The following KAZN variants were observed in gnomAD, a reference collection of about 807,000 sequenced individuals.
KAZN encodes the protein kazrin.
Under a neutral mutation model 87.4 loss-of-function variants are expected in KAZN, and 40 were observed. That is an observed-to-expected ratio of 0.46 (90% CI 0.36 to 0.60). The LOEUF is 0.60. Ranked by LOEUF, KAZN falls within the 20% of genes least tolerant of loss-of-function variation. The pLI, the probability that KAZN is intolerant of heterozygous loss-of-function variation, is 0.00. For missense variants in KAZN, 898 were observed against 1,073.9 expected (o/e 0.84, Z 2.29); for synonymous variants, 466 against 458.3 (o/e 1.02, Z -0.22).
At chr1:14,894,830 A>G (rs558322463) in intron 1 of KAZN, among the ~76,000 whole-genome samples, 2 of 152,368 alleles carry the variant, frequency 1.3e-5, no homozygotes, top group South Asian at 4.1e-4. Context: ...GGGGAAATCA[A>G]TTCAAAATCT....
chr1:14,443,734 T>A (rs1034430427), intron 2 of KAZN, among the ~76,000 whole-genome samples: 5 of 152,200 alleles, frequency 3.3e-5, no homozygotes, highest in Admixed American at 2.6e-4. Context: ...AAAGGTGCAT[T>A]GTTTATTCAT....
At chr1:14,959,710 C>G (rs1359226857) in intron 1 of KAZN, among the ~76,000 whole-genome samples, 1 of 152,188 alleles carries the variant, frequency 6.6e-6, no homozygotes, top group Non-Finnish European at 1.5e-5. Context: ...GTACACGTAG[C>G]CTGGCGCCTG....
intron 1 of KAZN, among the ~76,000 whole-genome samples, chr1:14,907,893 C>T (rs371073084): frequency 3.9e-5 from 6 of 152,248 alleles, no homozygotes; most frequent in East Asian, 3.9e-4. Context: ...CATGAGCCCA[C>T]GAGGGAAAAT....
At chr1:14,607,649 G>GCT (rs1466192186) in intron 1 of KAZN, among the ~76,000 whole-genome samples, 2 of 152,182 alleles carry the variant, frequency 1.3e-5, no homozygotes, top group Non-Finnish European at 2.9e-5. Flanking sequence ...ACTGCTTAGT[G>GCT]CTGAGCCATG....
chr1:14,846,613 T>C (rs1358763422), intron 1 of KAZN, among the ~76,000 whole-genome samples: 3 of 152,240 alleles, frequency 2.0e-5, no homozygotes, highest in Non-Finnish European at 4.4e-5. Context: ...GCCTGCCATG[T>C]ACACAGTGCA....
intron 1 of KAZN, among the ~76,000 whole-genome samples, chr1:13,958,461 C>A (rs1376447841): frequency 1.3e-5 from 2 of 150,876 alleles, no homozygotes; most frequent in African/African-American, 2.4e-5. Flanking sequence ...GTAGTCCCAG[C>A]TATTCGGGAG....
chr1:14,155,528 T>G (rs1645573863), intron 1 of KAZN, among the ~76,000 whole-genome samples: 1 of 152,220 alleles, frequency 6.6e-6, no homozygotes, highest in Admixed American at 6.5e-5. Context: ...TCAATTTCAT[T>G]TATTTCTCTT....
At chr1:14,587,704 GT>G (rs756307835) in intron 2 of KAZN, among the ~76,000 whole-genome samples, 4 of 152,036 alleles carry the variant, frequency 2.6e-5, no homozygotes, top group Admixed American at 6.6e-5. Context: ...ATCACCAAGG[GT>G]TTGGTACTAA....
intron 1 of KAZN, among the ~76,000 whole-genome samples, chr1:13,934,405 C>G (rs1271064713): frequency 6.6e-6 from 1 of 152,186 alleles, no homozygotes; most frequent in Non-Finnish European, 1.5e-5. Flanking sequence ...TCTCTAGAGG[C>G]AAATCCTTAC....
chr1:14,136,477 A>C (rs1645111401), intron 1 of KAZN, among the ~76,000 whole-genome samples: 1 of 152,166 alleles, frequency 6.6e-6, no homozygotes, highest in Non-Finnish European at 1.5e-5. Flanking sequence ...GGTGAAAGAA[A>C]ATGCAAGCAG....
chr1:14,698,598 G>A (rs10927507), intron 1 of KAZN, among the ~76,000 whole-genome samples: 57,928 of 152,100 alleles, frequency 0.38, 11,502 homozygotes, highest in East Asian at 0.5. Flanking sequence ...CCCCTTTGGA[G>A]CTATTCTTTT....
intron 1 of KAZN, among the ~76,000 whole-genome samples, chr1:14,088,309 C>A (rs375131362): frequency 5.9e-5 from 9 of 151,738 alleles, no homozygotes; most frequent in African/African-American, 2.2e-4. Flanking sequence ...TTCAGCTATA[C>A]CTCACAAATT....
chr1:14,097,996 C>G (rs1330968900), intron 1 of KAZN, among the ~76,000 whole-genome samples: 1 of 151,990 alleles, frequency 6.6e-6, no homozygotes, highest in Non-Finnish European at 1.5e-5. Context: ...GGAGAGTTAT[C>G]TCATTGAATC....
intron 2 of KAZN, among the ~76,000 whole-genome samples, chr1:14,294,657 TGGCAGGGTTTTTGCCAGGGAAACTGCC>T (rs1653978529): frequency 2.1e-5 from 3 of 142,424 alleles, no homozygotes; most frequent in African/African-American, 7.6e-5. Context: ...GCAGTTTCCC[TGGCAGGGTTTTTGCCAGGGAAACTGCC>T]CAGGCTCAGG....
At chr1:14,743,124 G>T (rs539985422) in intron 1 of KAZN, among the ~76,000 whole-genome samples, 1 of 152,150 alleles carries the variant, frequency 6.6e-6, no homozygotes, top group African/African-American at 2.4e-5. Context: ...TTCCATGGGG[G>T]TCAGGATCAG....
intron 2 of KAZN, among the ~76,000 whole-genome samples, chr1:14,346,086 G>T (rs113045339): frequency 6.6e-6 from 1 of 152,216 alleles, no homozygotes; most frequent in African/African-American, 2.4e-5. Flanking sequence ...GTTTCCTGCT[G>T]TGCACTTCTG....
intron 2 of KAZN, among the ~76,000 whole-genome samples, chr1:14,430,106 G>C (rs1665961489): frequency 6.6e-6 from 1 of 151,256 alleles, no homozygotes; most frequent in Non-Finnish European, 1.5e-5. Flanking sequence ...CGACCGCATG[G>C]CTTACTTCAA....
At chr1:14,986,024 A>AG (rs1666787173) in intron 2 of KAZN, among the ~76,000 whole-genome samples, 5 of 149,462 alleles carry the variant, frequency 3.3e-5, no homozygotes, top group African/African-American at 7.4e-5. Flanking sequence ...AAAAAAAAAA[A>AG]GGAAAGAAAG....
chr1:14,420,576 G>C (rs941749851), intron 2 of KAZN, among the ~76,000 whole-genome samples: 3 of 152,184 alleles, frequency 2.0e-5, no homozygotes, highest in African/African-American at 7.2e-5. Flanking sequence ...GGGAGGCTTG[G>C]GCAGCTCAGG....
Sources: allele counts gnomAD v4.1 joint callset (sites outside exome capture counted in the v4.1 genomes callset), GRCh38; gene constraint gnomAD v4.1.1; transcripts MANE v1.5; gene names NCBI Gene and HGNC (gene_info 2026-07-23, HGNC 2026-07-21).